Variants in ELL2 observed in about 807,000 individuals in gnomAD.
ELL2 encodes RNA polymerase II elongation factor ELL2.
Under a neutral mutation model 72.8 loss-of-function variants are expected in ELL2, and 21 were observed. That is an observed-to-expected ratio of 0.29 (90% confidence interval 0.20 to 0.42). The LOEUF (loss-of-function observed/expected upper bound fraction) is 0.42, where lower values mean the gene tolerates loss of function less well. Ranked by LOEUF, ELL2 falls within the 10% of genes least tolerant of loss-of-function variation. ELL2 has a pLI of 1.00. For missense variants in ELL2, 568 were observed against 772.8 expected (o/e 0.73, Z 3.14); for synonymous variants, 266 against 283.2 (o/e 0.94, Z 0.61).
chr5:95,951,679 C>T (rs1037168812), intron 1 of ELL2, among the ~76,000 whole-genome samples: 3 of 151,846 alleles, frequency 2.0e-5, no homozygotes, highest in African/African-American at 7.3e-5. Flanking sequence ...GGACTTGAAA[C>T]TGGGAGACTA....
intron 1 of ELL2, among the ~76,000 whole-genome samples, chr5:95,950,948 A>ATT (rs546375180): frequency 1.1e-4 from 11 of 104,452 alleles, no homozygotes; most frequent in East Asian, 1.3e-3. Context: ...ATATATATAT[A>ATT]TATATAAAAT....
chr5:95,895,744 A>T, intron 8 of ELL2, 53 bp from the exon 9 acceptor site: 1 of 1,325,118 alleles, frequency 7.5e-7, no homozygotes, highest in Non-Finnish European at 1.1e-6. Flanking sequence ...AAGGTTATCA[A>T]ATGCCTGTAA....
chr5:95,959,518 T>G (rs1751735675), intron 1 of ELL2, among the ~76,000 whole-genome samples: 1 of 152,232 alleles, frequency 6.6e-6, no homozygotes. Context: ...TTCTCTCCAC[T>G]GTCTGCTTCT....
chr5:95,916,514 A>G (rs1446222670), intron 3 of ELL2, among the ~76,000 whole-genome samples: 1 of 152,128 alleles, frequency 6.6e-6, no homozygotes, highest in Non-Finnish European at 1.5e-5. Context: ...CAAGCAGGAG[A>G]GAGTGGTCAA....
rs932461216 is a variant in ELL2 at position 95,961,783 on chromosome 5, G to A, written c.-62C>T. 48 of 1,493,686 alleles carry A rather than the reference G, an allele frequency of 3.2e-5. No individual in the cohort carries two copies. Among genetic ancestry groups the A allele is most frequent in the Non-Finnish European group, 4.1e-5 (46 of 1,124,782 alleles). 92.5% of individuals were successfully genotyped at this position (1,493,686 alleles called of 1,614,324 possible). ...CGGCTCTAGCCTCCACTGCGGCCGC[G>A]GCTGCTTGGGCTTCTGCAGCCGCCG... On this transcript the variant is annotated 5_prime_UTR_variant, in exon 1 of 12. Coordinates refer to ENST00000237853, the MANE Select transcript of ELL2 (RefSeq NM_012081.6).
intron 1 of ELL2, among the ~76,000 whole-genome samples, chr5:95,959,195 C>G (rs938855869): frequency 1.3e-5 from 2 of 152,200 alleles, no homozygotes; most frequent in Admixed American, 1.3e-4. Flanking sequence ...ACTTTCCCCA[C>G]AAGTGTACAC....
chr5:95,937,775 G>C (rs1208543379), intron 2 of ELL2, among the ~76,000 whole-genome samples: 1 of 152,142 alleles, frequency 6.6e-6, no homozygotes, highest in Non-Finnish European at 1.5e-5. Flanking sequence ...TATCAAGGTA[G>C]CTGTTAGCTG....
At chr5:95,907,294 A>ATTTTTTT (rs201354039) in intron 4 of ELL2, among the ~76,000 whole-genome samples, 35 of 79,570 alleles carry the variant, frequency 4.4e-4, no homozygotes, top group African/African-American at 2.2e-3. Flanking sequence ...ATATATATAT[A>ATTTTTTT]TATTTTTTTT....
rs775340400 is a variant in ELL2, at chr5:95,901,106, A to AT, written c.742-27dup. The AT allele has an allele frequency of 1.1e-5, 17 of 1,576,996 alleles. No homozygotes were observed. The South Asian group carries it at 2.0e-4, about 19-fold the overall frequency. On this transcript the variant is annotated intron_variant, in intron 5 of 11. Transcript: ENST00000237853. ...CTAGTATGAGGTATAAAAACAGAGC[A>AT]TTAGGTATTTTTACTATCATCTCCT...
At chr5:95,905,514 C>T (rs950753145) in intron 5 of ELL2, among the ~76,000 whole-genome samples, 1 of 151,992 alleles carries the variant, frequency 6.6e-6, no homozygotes, top group Non-Finnish European at 1.5e-5. Flanking sequence ...TTCTTTTGAG[C>T]TCTTAAAACT....
rs1281975230 is a variant in ELL2, at chr5:95,901,011, C to G, written c.811G>C (p.Asp271His). ...TCTATTTCACTGTATCCAGGCCAGT[C>G]TCTTTGAAGCTCTTTAAAAACATAA... ...KDYVFKELQR[D>H]WPGYSEIDRR... Residue 271 changes from aspartate (D) to histidine (H), a missense_variant, in exon 6 of 12, where the codon GAC becomes CAC. Asp to His is a moderately conservative substitution (Grantham distance 81). Around this residue, in one of 2 missense-constraint regions of ELL2, gnomAD observed 511 missense variants for 728.4 expected, o/e 0.70. Coordinates refer to ENST00000237853, the MANE Select transcript of ELL2 (RefSeq NM_012081.6). 4 of 1,613,718 alleles carry G rather than the reference C, an allele frequency of 2.5e-6. No homozygotes were observed. Among genetic ancestry groups the G allele is most frequent in the Non-Finnish European group, 3.4e-6 (4 of 1,179,940 alleles).
intron 2 of ELL2, among the ~76,000 whole-genome samples, chr5:95,936,851 A>G (rs1413508947): frequency 6.6e-6 from 1 of 152,208 alleles, no homozygotes; most frequent in Non-Finnish European, 1.5e-5. Context: ...AAATAACTCA[A>G]TTCTACAAGT....
intron 1 of ELL2, among the ~76,000 whole-genome samples, chr5:95,951,357 A>G (rs758098750): frequency 6.6e-6 from 1 of 152,072 alleles, no homozygotes; most frequent in Non-Finnish European, 1.5e-5. Context: ...GGACAGAGCG[A>G]GACTCCGTCT....
intron 9 of ELL2, among the ~76,000 whole-genome samples, chr5:95,895,077 C>T (rs1195896334): frequency 3.3e-5 from 5 of 152,132 alleles, no homozygotes; most frequent in Admixed American, 3.3e-4. Flanking sequence ...CAAAAATGTC[C>T]CCAGCTCAGC....
At position 95,960,744 on chromosome 5, in the gene ELL2, T is replaced by G. The variant is rs115053924; in HGVS notation, c.147+831A>C. Among the ~76,000 whole-genome samples, 191 of 152,196 alleles carry G rather than the reference T, an allele frequency of 1.3e-3. 1 individual carries two copies. The highest frequency in any genetic ancestry group is 4.4e-3 in the African/African-American group (183 of 41,526). ...CCGATGTCTTGCTCCCGGGGAGCGC[T>G]AAGTGTGCGTGAGTCCTCAGGTCTC... is the stretch of plus-strand genomic sequence containing the variant. On this transcript the variant is annotated intron_variant, in intron 1 of 11. Transcript: ENST00000237853.
Position 95,913,815 on chromosome 5 carries a change from CG to C in ELL2, c.436del (p.Arg146AlafsTer15). The C allele has an allele frequency of 6.2e-7, 1 of 1,612,368 alleles. No individual in the cohort carries two copies. On this transcript the variant is annotated frameshift_variant, in exon 4 of 12. Transcript: ENST00000237853. LOFTEE classifies it high-confidence loss of function. Reference protein sequence around the residue: ...ERMTQAEEESRNRSTKVIKPG... With the variant: ...ERMTQAEEESXNRSTKVIKPG... ...TTTGATAACTTTTGTGCTTCGGTTG[CG>C]GGATTCCTCCTCTGCCTGGGTCATT...
At chr5:95,918,983 C>T (rs1275985780) in intron 3 of ELL2, among the ~76,000 whole-genome samples, 2 of 150,508 alleles carry the variant, frequency 1.3e-5, no homozygotes, top group Non-Finnish European at 2.9e-5. Context: ...AATCTACCTT[C>T]TACCTTAGAA....
chr5:95,891,265 G>T lies in ELL2; in HGVS notation c.1599C>A (p.Ile533=), dbSNP rs529515288. The change falls in exon 10 of 12, where the codon ATC becomes ATA. Residue 533 remains isoleucine, a synonymous_variant. Coordinates refer to ENST00000237853, the MANE Select transcript of ELL2 (RefSeq NM_012081.6). ...IELPDYLIKY[I]AIVSYEQRQN... is the part of the protein sequence containing the mutation. ...GGCGTTGCTCATAGGAGACGATAGC[G>T]ATATATTTTCTAATAAGAAAAAAGA... The T allele has an allele frequency of 1.2e-6, 2 of 1,601,384 alleles. No homozygotes were observed. The highest frequency in any genetic ancestry group is 1.7e-6 in the Non-Finnish European group (2 of 1,174,988).
intron 9 of ELL2, among the ~76,000 whole-genome samples, chr5:95,894,893 T>G (rs1748810203): frequency 6.6e-6 from 1 of 152,234 alleles, no homozygotes; most frequent in Non-Finnish European, 1.5e-5. Context: ...ACATTCTAGC[T>G]ATTTTGCACA....
Sources: gnomAD v4.1 joint callset for allele counts (sites outside exome capture counted in the v4.1 genomes callset) on GRCh38, gnomAD v4.1.1 for gene constraint, gnomAD v4.1.1 regional missense constraint, MANE v1.5 for transcripts, NCBI Gene and HGNC (gene_info 2026-07-23, HGNC 2026-07-21) for gene names.